The following PARD3 variants were observed in gnomAD, a reference collection of about 807,000 sequenced individuals.
PARD3 encodes the protein par-3 family cell polarity regulator, also known as partitioning defective 3 homolog.
A neutral mutation model predicts 155.4 loss-of-function variants in PARD3; 75 were observed. The ratio of observed to expected loss-of-function variants is 0.48; its 90% CI spans 0.40 to 0.58. PARD3 has a LOEUF of 0.58. Ranked by LOEUF, PARD3 falls within the 20% of genes least tolerant of loss-of-function variation. The pLI is 0.00. For missense variants in PARD3, 1,642 were observed against 1,721.7 expected, an observed-to-expected ratio of 0.95 and a Z score of 0.82; for synonymous variants, 576 against 610.5, an observed-to-expected ratio of 0.94 and a Z score of 0.83.
At chr10:34,325,699 G>A (rs551126352) in intron 19 of PARD3, among the ~76,000 whole-genome samples, 45 of 152,102 alleles carry the variant, frequency 3.0e-4, no homozygotes, top group Non-Finnish European at 5.3e-4. Context: ...TAGTTTTAGC[G>A]CAATGGGCTT....
At chr10:34,696,977 T>C (rs1255845875) in intron 1 of PARD3, among the ~76,000 whole-genome samples, 4 of 148,508 alleles carry the variant, frequency 2.7e-5, no homozygotes, top group Admixed American at 6.8e-5. Context: ...CTTGAGCCTC[T>C]TTTTACAGAG....
chr10:34,429,552 C>G (rs796145260), intron 5 of PARD3, among the ~76,000 whole-genome samples: 9 of 134,522 alleles, frequency 6.7e-5, no homozygotes, highest in African/African-American at 2.7e-4. Flanking sequence ...CACTCTAACT[C>G]AGTTTTGTTT....
intron 1 of PARD3, among the ~76,000 whole-genome samples, chr10:34,775,877 G>A (rs991099310): frequency 2.0e-5 from 3 of 152,108 alleles, no homozygotes; most frequent in African/African-American, 4.8e-5. Context: ...AATAAGCAAA[G>A]CTATCATCCT....
intron 22 of PARD3, among the ~76,000 whole-genome samples, chr10:34,170,370 C>T (rs1424567466): frequency 6.6e-6 from 1 of 152,166 alleles, no homozygotes; most frequent in Non-Finnish European, 1.5e-5. Context: ...ACAGGTGTGG[C>T]CCACCATGCC....
Position 34,162,272 on chromosome 10 carries a change from G to A in PARD3, c.3420-30689C>T, listed in dbSNP as rs74922194. Among the ~76,000 whole-genome samples the A allele has an allele frequency of 5.0e-3, 765 of 152,280 alleles. 6 individuals are homozygous for A. The highest frequency in any genetic ancestry group is 0.018 in the African/African-American group (731 of 41,558). ...ACCTTATACAAACAGGGAACCCAGC[G>A]CCATCAGCTTGGATATATAGAAGCC... is the stretch of plus-strand genomic sequence containing the variant. On this transcript the variant is annotated intron_variant, in intron 22 of 24. Transcript: ENST00000374788.
intron 22 of PARD3, among the ~76,000 whole-genome samples, chr10:34,261,531 A>T (rs1954959182): frequency 6.6e-6 from 1 of 151,852 alleles, no homozygotes; most frequent in East Asian, 1.9e-4. Flanking sequence ...TCTACTAAAA[A>T]TACAAAAATT....
intron 2 of PARD3, among the ~76,000 whole-genome samples, chr10:34,665,907 A>AACAG (rs1194993561): frequency 5.0e-5 from 4 of 80,396 alleles, no homozygotes; most frequent in Admixed American, 1.2e-4. Context: ...GAACAGAACA[A>AACAG]AAAGAAAAGA....
At chr10:34,520,651 A>G (rs959160743) in intron 2 of PARD3, among the ~76,000 whole-genome samples, 1 of 152,138 alleles carries the variant, frequency 6.6e-6, no homozygotes, top group African/African-American at 2.4e-5. Context: ...TACTCTACTC[A>G]CTAATTATAG....
At chr10:34,163,441 G>A (rs1427043090) in intron 22 of PARD3, among the ~76,000 whole-genome samples, 3 of 152,186 alleles carry the variant, frequency 2.0e-5, no homozygotes, top group Non-Finnish European at 4.4e-5. Context: ...GCAAAATGTT[G>A]TAGTTAAATA....
rs34948436 is a variant in PARD3 at position 34,319,078 on chromosome 10, CTT to C, written c.2834-1742_2834-1741del. On this transcript the variant is annotated intron_variant, in intron 19 of 24. Transcript: ENST00000374788. The stretch of plus-strand genomic sequence containing the variant: ...ACAGGAGTGAGCCACTGCACCCAGA[CTT>C]TTTTTTTTTTTTTTTTTTCTTCTTC... 7.2e-3 allele frequency among the ~76,000 whole-genome samples: 829 copies of C among 114,584 alleles called. 9 individuals are homozygous for C. The highest frequency in any genetic ancestry group is 0.043 in the East Asian group (163 of 3,750). 75.2% of individuals were successfully genotyped at this position (114,584 alleles called of 152,430 possible). A position where few individuals can be genotyped will look rare whatever the true frequency, so the allele number is the denominator to read the frequency against.
intron 24 of PARD3, 72 bp from the exon 25 acceptor site, chr10:34,111,634 G>A: frequency 8.0e-7 from 1 of 1,246,244 alleles, no homozygotes. Context: ...GGGGCAGGAT[G>A]GGATGGAATA....
intron 2 of PARD3, among the ~76,000 whole-genome samples, chr10:34,626,356 CCTCT>C (rs1360499549): frequency 6.6e-6 from 1 of 152,188 alleles, no homozygotes; most frequent in Non-Finnish European, 1.5e-5. Context: ...TCTCCCCCCT[CCTCT>C]CTGTGTGTGA....
intron 23 of PARD3, among the ~76,000 whole-genome samples, chr10:34,127,088 G>C (rs753320937): frequency 1.3e-5 from 2 of 152,110 alleles, no homozygotes; most frequent in Non-Finnish European, 2.9e-5. Context: ...AGATAACATA[G>C]AAATGCATTC....
chr10:34,629,213 A>G (rs1169195229), intron 2 of PARD3, among the ~76,000 whole-genome samples: 1 of 152,122 alleles, frequency 6.6e-6, no homozygotes, highest in African/African-American at 2.4e-5. Flanking sequence ...ACTGCCCCGG[A>G]CTCTCATATT....
chr10:34,412,198 A>G (rs984572248), intron 5 of PARD3, among the ~76,000 whole-genome samples: 7 of 152,028 alleles, frequency 4.6e-5, no homozygotes, highest in African/African-American at 1.7e-4. Context: ...CCTGGCCTCA[A>G]GCGATCTTCC....
intron 2 of PARD3, among the ~76,000 whole-genome samples, chr10:34,678,060 A>C (rs766525456): frequency 7.3e-5 from 11 of 151,240 alleles, no homozygotes; most frequent in Non-Finnish European, 1.3e-4. Flanking sequence ...TTTTTAATTT[A>C]TTTATTTATT....
At chr10:34,548,452 T>C (rs563303286) in intron 2 of PARD3, among the ~76,000 whole-genome samples, 7 of 152,184 alleles carry the variant, frequency 4.6e-5, no homozygotes, top group South Asian at 2.1e-4. Context: ...TGAGCCAAGA[T>C]TGCACCACTG....
chr10:34,337,469 T>C (rs896985675), intron 16 of PARD3, 43 bp from the exon 17 acceptor site: 2 of 1,359,782 alleles, frequency 1.5e-6, no homozygotes, highest in African/African-American at 3.0e-5. Context: ...TTACTAAAAA[T>C]AGCACGCATC....
At position 34,145,221 on chromosome 10, in the gene PARD3, A is replaced by ATTTTTTTT. The variant is rs57442429; in HGVS notation, c.3420-13646_3420-13639dup. 1.6e-3 allele frequency among the ~76,000 whole-genome samples: 56 copies of ATTTTTTTT among 33,960 alleles called. 1 individual carries two copies. The highest frequency in any genetic ancestry group is 2.3e-3 in the Non-Finnish European group (45 of 19,920). The allele number at this position is 33,960 out of a possible 152,430, so 22.3% of individuals were successfully genotyped here. The stretch of plus-strand genomic sequence containing the variant: ...TATATATATATATATATATATATAT[A>ATTTTTTTT]TTTTTTTTTTTTTTTTTTTTACAGG... On this transcript the variant is annotated intron_variant, in intron 22 of 24. Transcript: ENST00000374788.
Sources: gnomAD v4.1 joint callset for allele counts (sites outside exome capture counted in the v4.1 genomes callset) on GRCh38, gnomAD v4.1.1 for gene constraint, MANE v1.5 for transcripts, NCBI Gene and HGNC (gene_info 2026-07-23, HGNC 2026-07-21) for gene names.